CDK14: variants seen among roughly 807,000 people sequenced by gnomAD.
CDK14 encodes the protein cyclin dependent kinase 14, also known as cyclin-dependent kinase 14.
Under a neutral mutation model 60.7 loss-of-function variants are expected in CDK14, and 34 were observed. That is an observed-to-expected ratio of 0.56 (90% CI 0.43 to 0.75). CDK14 has a LOEUF of 0.75. Among genes scored for constraint, CDK14 ranks in the 30% least tolerant of loss-of-function variants. The pLI is 0.00. For missense variants in CDK14, 482 were observed against 564.1 expected, an observed-to-expected ratio of 0.85 and a Z score of 1.47; for synonymous variants, 197 against 203.7, an observed-to-expected ratio of 0.97 and a Z score of 0.28.
At chr7:90,786,089 A>G (rs1362306597) in intron 4 of CDK14, among the ~76,000 whole-genome samples, 1 of 152,202 alleles carries the variant, frequency 6.6e-6, no homozygotes, top group African/African-American at 2.4e-5. Context: ...AGACTAAAGC[A>G]ATGAGTCATG....
At chr7:90,638,041 G>A (rs531969808) in intron 2 of CDK14, among the ~76,000 whole-genome samples, 21 of 149,398 alleles carry the variant, frequency 1.4e-4, no homozygotes, top group African/African-American at 5.2e-4. Context: ...CGTGAGATGG[G>A]TTTCCTGAAT....
chr7:90,817,914 A>G (rs1789408701), intron 5 of CDK14, among the ~76,000 whole-genome samples: 2 of 152,090 alleles, frequency 1.3e-5, no homozygotes, highest in Non-Finnish European at 2.9e-5. Flanking sequence ...AAGGGAACCA[A>G]TCTCCCACCA....
At chr7:90,704,794 A>T (rs1057389411) in intron 2 of CDK14, among the ~76,000 whole-genome samples, 1 of 152,166 alleles carries the variant, frequency 6.6e-6, no homozygotes, top group Admixed American at 6.5e-5. Flanking sequence ...AGTTTAACAG[A>T]TTCCTCCAGA....
At chr7:91,040,433 A>T (rs779049583) in intron 10 of CDK14, among the ~76,000 whole-genome samples, 11 of 152,178 alleles carry the variant, frequency 7.2e-5, no homozygotes, top group African/African-American at 2.2e-4. Context: ...AATCTTCCAG[A>T]TCCGAAAGTA....
intron 8 of CDK14, among the ~76,000 whole-genome samples, chr7:90,922,760 T>A (rs1189662354): frequency 1.3e-5 from 2 of 150,604 alleles, no homozygotes; most frequent in African/African-American, 5.0e-5. Flanking sequence ...ATATTGGATC[T>A]TTTTGTTTTA....
intron 10 of CDK14, among the ~76,000 whole-genome samples, chr7:91,026,257 A>G (rs1364991857): frequency 6.6e-6 from 1 of 152,174 alleles, no homozygotes; most frequent in Non-Finnish European, 1.5e-5. Flanking sequence ...TGCCTTCTTG[A>G]GAGATCAGAG....
chr7:91,059,499 G>T (rs2116104390), intron 11 of CDK14, among the ~76,000 whole-genome samples: 1 of 151,972 alleles, frequency 6.6e-6, no homozygotes, highest in Non-Finnish European at 1.5e-5. Context: ...GTGATGTTAG[G>T]GTGTCAATTT....
intron 7 of CDK14, 91 bp downstream of exon 7, chr7:90,899,444 AT>A: frequency 1.1e-6 from 1 of 906,028 alleles, no homozygotes; most frequent in East Asian, 3.2e-5. Context: ...ACATATTTAA[AT>A]TTTTTAAATT....
Position 90,675,074 on chromosome 7 carries a change from C to T in CDK14, c.124-51493C>T, listed in dbSNP as rs1218811966. 3.3e-5 allele frequency among the ~76,000 whole-genome samples: 5 copies of T among 152,186 alleles called. No individual in the cohort carries two copies. The East Asian group carries it at 9.6e-4, about 29-fold the overall frequency. ...AGACAGAGGGCCAGTTTGTATGGCT[C>T]AACAACCTGGATCTCATTAGTGCTG... On this transcript the variant is annotated intron_variant, in intron 2 of 14. Coordinates refer to ENST00000380050, the MANE Select transcript of CDK14 (RefSeq NM_001287135.2).
At chr7:90,603,198 A>T (rs1200880044) in intron 1 of CDK14, among the ~76,000 whole-genome samples, 1 of 152,202 alleles carries the variant, frequency 6.6e-6, no homozygotes, top group African/African-American at 2.4e-5. Context: ...CATTCTTCTT[A>T]ATATGAAACA....
At chr7:90,825,702 T>C (rs2188237) in intron 5 of CDK14, among the ~76,000 whole-genome samples, 111,040 of 151,790 alleles carry the variant, frequency 0.73, 40,897 homozygotes, top group East Asian at 0.89. Flanking sequence ...TTCAGGGTAG[T>C]GTGAAGCTCA....
chr7:91,033,324 A>C (rs889404618), intron 10 of CDK14, among the ~76,000 whole-genome samples: 1 of 152,140 alleles, frequency 6.6e-6, no homozygotes, highest in African/African-American at 2.4e-5. Context: ...CAGAACTTGA[A>C]ATTGCCCTCA....
chr7:90,976,079 G>C (rs1397181713), intron 9 of CDK14, among the ~76,000 whole-genome samples: 1 of 152,040 alleles, frequency 6.6e-6, no homozygotes, highest in African/African-American at 2.4e-5. Context: ...TAGCTCATAT[G>C]GTAGTTCTAT....
chr7:91,136,597 ATGCCT>A (rs1257691226), intron 14 of CDK14, among the ~76,000 whole-genome samples: 2 of 152,230 alleles, frequency 1.3e-5, no homozygotes, highest in African/African-American at 2.4e-5. Flanking sequence ...CAGACTAAAC[ATGCCT>A]TGTAATGGAT....
In CDK14 at chr7:91,060,510, A is replaced by T. The variant is rs374118421; in HGVS notation, c.1105+14550A>T. 9.2e-5 allele frequency among the ~76,000 whole-genome samples: 14 copies of T among 151,930 alleles called. No individual in the cohort carries two copies. The South Asian group carries it at 2.7e-3, about 29-fold the overall frequency. On this transcript the variant is annotated intron_variant, in intron 11 of 14. Coordinates refer to ENST00000380050, the MANE Select transcript of CDK14 (RefSeq NM_001287135.2). Reference sequence around the variant, plus strand: ...CTTCCTAGCCTCGATGGTCTTTACAATTTGGCATGTTTTTGCAGTGGCTGG... The same window carrying T: ...CTTCCTAGCCTCGATGGTCTTTACATTTTGGCATGTTTTTGCAGTGGCTGG...
chr7:91,066,533 G>A (rs891710147), intron 11 of CDK14, among the ~76,000 whole-genome samples: 2 of 151,978 alleles, frequency 1.3e-5, no homozygotes, highest in Non-Finnish European at 1.5e-5. Flanking sequence ...TTGGTGAGAA[G>A]AGAATAAGGA....
At chr7:90,843,036 A>G (rs766656647) in intron 5 of CDK14, among the ~76,000 whole-genome samples, 31 of 152,142 alleles carry the variant, frequency 2.0e-4, no homozygotes, top group Non-Finnish European at 3.2e-4. Context: ...CTTATAAGAA[A>G]TGTTCTTCTG....
At chr7:91,093,103 C>A (rs2116281796) in intron 12 of CDK14, among the ~76,000 whole-genome samples, 1 of 152,298 alleles carries the variant, frequency 6.6e-6, no homozygotes, top group East Asian at 1.9e-4. Flanking sequence ...ACACACATCA[C>A]AGTTACTCAG....
intron 2 of CDK14, among the ~76,000 whole-genome samples, chr7:90,682,961 G>C (rs1477206500): frequency 1.3e-5 from 2 of 152,152 alleles, no homozygotes; most frequent in African/African-American, 4.8e-5. Flanking sequence ...GCGTCCATCT[G>C]CTTCTCAGTT....
Sources: gnomAD v4.1 joint callset for allele counts (sites outside exome capture counted in the v4.1 genomes callset) on GRCh38, gnomAD v4.1.1 for gene constraint, MANE v1.5 for transcripts, NCBI Gene and HGNC (gene_info 2026-07-23, HGNC 2026-07-21) for gene names.